Variants in PLSCR2 observed in about 807,000 individuals in gnomAD.
The protein encoded by PLSCR2 is phospholipid scramblase 2.
PLSCR2 carries 18 observed loss-of-function variants against 25.3 expected under a neutral mutation model. That is an observed-to-expected ratio of 0.71 (90% CI 0.49 to 1.06). The LOEUF is 1.06. Among genes scored for constraint, PLSCR2 ranks in the 50% least tolerant of loss-of-function variants. The pLI is 0.00. For missense variants in PLSCR2, 243 were observed against 269.5 expected (o/e 0.90, Z 0.69); for synonymous variants, 88 against 87.3 (o/e 1.01, Z -0.04).
chr3:146,462,246 T>C (rs537021753), upstream of PLSCR2, among the ~76,000 whole-genome samples: 2 of 151,956 alleles, frequency 1.3e-5, no homozygotes, highest in East Asian at 3.9e-4. Context: ...CTTCCTGTTT[T>C]CACAGTAGAA....
At chr3:146,454,663 G>A (rs1463886134) in intron 4 of PLSCR2, among the ~76,000 whole-genome samples, 1 of 152,092 alleles carries the variant, frequency 6.6e-6, no homozygotes, top group Non-Finnish European at 1.5e-5. Flanking sequence ...GGAGTAGGCT[G>A]CCATGCAATA....
At chr3:146,420,130 T>G (rs1204113143) in intron 2 of PLSCR2, among the ~76,000 whole-genome samples, 4 of 152,082 alleles carry the variant, frequency 2.6e-5, no homozygotes, top group Non-Finnish European at 5.9e-5. Context: ...CTCTTCAGAT[T>G]GTTGCAAGCC....
intron 2 of PLSCR2, among the ~76,000 whole-genome samples, chr3:146,415,777 A>G (rs559381450): frequency 6.6e-6 from 1 of 152,286 alleles, no homozygotes; most frequent in Non-Finnish European, 1.5e-5. Context: ...AATTGTATTC[A>G]ATGTAGTACA....
chr3:146,403,854 G>T lies in PLSCR2; in HGVS notation c.101-7933C>A, dbSNP rs545232811. ...TATAAATTCTAAATTTCTCTTCAAA[G>T]AATTAATATGTCAGTACAATTCTTT... On this transcript the variant is annotated intron_variant and NMD_transcript_variant, in intron 2 of 3. Coordinates refer to the PLSCR2 transcript ENST00000463633. 5.3e-5 allele frequency among the ~76,000 whole-genome samples: 8 copies of T among 152,204 alleles called. No homozygotes were observed. The East Asian group carries it at 1.2e-3, about 22-fold the overall frequency.
At chr3:146,465,853 T>C (rs1041503006) in intron 1 of PLSCR2, among the ~76,000 whole-genome samples, 8 of 152,244 alleles carry the variant, frequency 5.3e-5, no homozygotes, top group Non-Finnish European at 1.0e-4. Context: ...TTTTATGCAC[T>C]TAAAAGATTT....
At chr3:146,444,654 G>A (rs2040440980) in intron 6 of PLSCR2, among the ~76,000 whole-genome samples, 1 of 151,818 alleles carries the variant, frequency 6.6e-6, no homozygotes, top group Non-Finnish European at 1.5e-5. Context: ...TAGAGGTGAA[G>A]TGTGTTTCTT....
At chr3:146,434,723 T>C (rs1305405505) in intron 8 of PLSCR2, among the ~76,000 whole-genome samples, 1 of 152,152 alleles carries the variant, frequency 6.6e-6, no homozygotes, top group African/African-American at 2.4e-5. Flanking sequence ...GATTTAGTTA[T>C]TCAATTTTTC....
intron 1 of PLSCR2, chr3:146,469,075 G>A: frequency 2.1e-6 from 2 of 959,802 alleles, no homozygotes; most frequent in Non-Finnish European, 2.5e-6. Flanking sequence ...CATAGACGTG[G>A]GCTCCTGGCG....
intron 1 of PLSCR2, among the ~76,000 whole-genome samples, chr3:146,478,699 A>G (rs2043020785): frequency 1.3e-5 from 2 of 152,188 alleles, no homozygotes; most frequent in African/African-American, 4.8e-5. Context: ...AACTTCCCCA[A>G]CCTAGCAAGG....
chr3:146,445,383 A>G (rs1003874191), intron 6 of PLSCR2, among the ~76,000 whole-genome samples: 9 of 152,140 alleles, frequency 5.9e-5, no homozygotes, highest in African/African-American at 2.2e-4. Flanking sequence ...GTTTGCCTGG[A>G]AAATCTGTAT....
At chr3:146,483,509 A>ATATATACATGTGTAT (rs1553791539) in intron 1 of PLSCR2, among the ~76,000 whole-genome samples, 2 of 127,072 alleles carry the variant, frequency 1.6e-5, no homozygotes, top group South Asian at 2.5e-4. Flanking sequence ...ATATATATAT[A>ATATATACATGTGTAT]ATGTTACTAC....
intron 1 of PLSCR2, among the ~76,000 whole-genome samples, chr3:146,472,018 C>T (rs1275867857): frequency 6.6e-6 from 1 of 152,140 alleles, no homozygotes; most frequent in African/African-American, 2.4e-5. Flanking sequence ...CTCTTGTACC[C>T]AGGACATTTT....
intron 1 of PLSCR2, among the ~76,000 whole-genome samples, chr3:146,475,124 C>T (rs2042240679): frequency 6.6e-6 from 1 of 152,070 alleles, no homozygotes; most frequent in Non-Finnish European, 1.5e-5. Context: ...TACTCATCTT[C>T]TGAAGCCTAC....
chr3:146,486,691 A>G (rs1464445167), intron 1 of PLSCR2, among the ~76,000 whole-genome samples: 3 of 151,912 alleles, frequency 2.0e-5, no homozygotes, highest in Non-Finnish European at 4.4e-5. Flanking sequence ...GCCTACCAAA[A>G]AAAAACCCAG....
upstream of PLSCR2, chr3:146,461,797 G>T (rs1217264443): frequency 1.9e-5 from 14 of 747,426 alleles, no homozygotes; most frequent in Non-Finnish European, 3.3e-5. Flanking sequence ...CCTTAGTAAG[G>T]AGTTTGGATT....
intron 6 of PLSCR2, among the ~76,000 whole-genome samples, chr3:146,444,505 C>G (rs1176290796): frequency 6.6e-6 from 1 of 151,696 alleles, no homozygotes; most frequent in African/African-American, 2.4e-5. Context: ...ACCCCTGTAT[C>G]ATTACATAAT....
chr3:146,480,115 A>G (rs1350826823), intron 1 of PLSCR2, among the ~76,000 whole-genome samples: 1 of 152,254 alleles, frequency 6.6e-6, no homozygotes, highest in Non-Finnish European at 1.5e-5. Context: ...ATAGCACTAA[A>G]TGCCCACAAG....
upstream of PLSCR2, among the ~76,000 whole-genome samples, chr3:146,462,387 T>C (rs139095937): frequency 6.6e-6 from 1 of 152,122 alleles, no homozygotes; most frequent in Admixed American, 6.6e-5. Context: ...CCGCTGCATG[T>C]GGCCTTGGTA....
intron 3 of PLSCR2, among the ~76,000 whole-genome samples, chr3:146,458,181 T>G (rs1474327114): frequency 6.6e-6 from 1 of 152,210 alleles, no homozygotes. Context: ...GTTGATTTAA[T>G]TCACACAGGT....
Sources: gnomAD v4.1 joint callset for allele counts (sites outside exome capture counted in the v4.1 genomes callset) on GRCh38, gnomAD v4.1.1 for gene constraint, MANE v1.5 for transcripts, NCBI Gene and HGNC (gene_info 2026-07-23, HGNC 2026-07-21) for gene names.